The following LRMDA variants were observed in gnomAD, a reference collection of about 807,000 sequenced individuals.
LRMDA encodes leucine rich melanocyte differentiation associated.
A neutral mutation model predicts 29.8 loss-of-function variants in LRMDA; 18 were observed. The observed-to-expected ratio is 0.60, with a 90% confidence interval of 0.42 to 0.90. The LOEUF (loss-of-function observed/expected upper bound fraction) is 0.90, where lower values mean the gene tolerates loss of function less well. LRMDA is among the 40% of genes least tolerant of loss of function. The pLI is 0.00. For synonymous variants in LRMDA, 125 were observed against 109.4 expected, an observed-to-expected ratio of 1.14 and a Z score of -0.89; for missense variants, 273 against 273.9, an observed-to-expected ratio of 1.00 and a Z score of 0.02.
chr10:76,521,220 A>G (rs1269055712), intron 6 of LRMDA, among the ~76,000 whole-genome samples: 2 of 141,948 alleles, frequency 1.4e-5, no homozygotes, highest in Non-Finnish European at 1.5e-5. Flanking sequence ...TGCAAGCTCC[A>G]CCTCCCGGGT....
intron 6 of LRMDA, among the ~76,000 whole-genome samples, chr10:76,523,991 T>G (rs1843148282): frequency 6.6e-6 from 1 of 152,226 alleles, no homozygotes; most frequent in Admixed American, 6.5e-5. Context: ...GAATTACAGA[T>G]GAACATTGAC....
chr10:75,695,305 A>G (rs1251703462), intron 2 of LRMDA, among the ~76,000 whole-genome samples: 2 of 152,166 alleles, frequency 1.3e-5, no homozygotes, highest in Non-Finnish European at 2.9e-5. Flanking sequence ...TCAGACAGCA[A>G]ATTATCTATC....
At chr10:76,135,300 G>A (rs1398105593) in intron 5 of LRMDA, among the ~76,000 whole-genome samples, 3 of 152,068 alleles carry the variant, frequency 2.0e-5, no homozygotes, top group Non-Finnish European at 4.4e-5. Context: ...AACTGCAAAG[G>A]GACAGCACCA....
intron 2 of LRMDA, among the ~76,000 whole-genome samples, chr10:75,773,307 T>C (rs907133484): frequency 6.6e-5 from 10 of 152,166 alleles, no homozygotes; most frequent in African/African-American, 2.2e-4. Flanking sequence ...AATGGAAAGA[T>C]TGTAGTATGT....
chr10:76,201,426 A>T (rs1013095541), intron 5 of LRMDA, among the ~76,000 whole-genome samples: 24 of 152,274 alleles, frequency 1.6e-4, no homozygotes, highest in African/African-American at 5.8e-4. Context: ...AGATACAGAG[A>T]GCTGAAATGA....
At chr10:75,943,336 G>A (rs1347925571) in intron 2 of LRMDA, among the ~76,000 whole-genome samples, 2 of 152,130 alleles carry the variant, frequency 1.3e-5, no homozygotes, top group African/African-American at 2.4e-5. Flanking sequence ...CCAACAACCT[G>A]TGATGAAAGT....
intron 5 of LRMDA, among the ~76,000 whole-genome samples, chr10:76,164,246 A>G (rs1850695945): frequency 6.6e-6 from 1 of 152,174 alleles, no homozygotes; most frequent in Admixed American, 6.5e-5. Flanking sequence ...TTGTTTTGTC[A>G]GATATTGAAA....
At chr10:75,969,107 C>CT in intron 2 of LRMDA, among the ~76,000 whole-genome samples, 1 of 152,312 alleles carries the variant, frequency 6.6e-6, no homozygotes, top group Admixed American at 6.5e-5. Context: ...CTTGTACTCT[C>CT]TGGCTTTTCT....
intron 5 of LRMDA, among the ~76,000 whole-genome samples, chr10:76,101,765 A>T (rs1273145742): frequency 1.3e-5 from 2 of 152,130 alleles, no homozygotes; most frequent in Admixed American, 6.5e-5. Context: ...GATGAAATTC[A>T]TATTGAACAT....
chr10:76,272,320 TG>T (rs1840077952), intron 5 of LRMDA, among the ~76,000 whole-genome samples: 1 of 152,208 alleles, frequency 6.6e-6, no homozygotes, highest in Non-Finnish European at 1.5e-5. Context: ...GGGACTTGTA[TG>T]GGGCATTGCT....
intron 6 of LRMDA, among the ~76,000 whole-genome samples, chr10:76,541,371 C>T (rs1407835300): frequency 5.3e-5 from 8 of 152,158 alleles, no homozygotes; most frequent in African/African-American, 1.9e-4. Flanking sequence ...CATGGGGGCA[C>T]ATGCCTGTGA....
At chr10:76,060,476 G>C (rs951026389) in intron 5 of LRMDA, among the ~76,000 whole-genome samples, 1 of 152,176 alleles carries the variant, frequency 6.6e-6, no homozygotes, top group East Asian at 1.9e-4. Context: ...TTATGGGTGA[G>C]GGAACTGAGG....
rs568765147 is a variant in LRMDA at position 76,554,226 on chromosome 10, G to T, written c.602-2983G>T. On this transcript the variant is annotated intron_variant, in intron 6 of 6. Coordinates refer to ENST00000611255, the MANE Select transcript of LRMDA (RefSeq NM_001305581.2). ...ATGTCAGCTTTCGTTAGAGCCGCAG[G>T]CAGCGTTAGAATATCCTTGGCATAA... Among the ~76,000 whole-genome samples the T allele has an allele frequency of 2.6e-5, 4 of 152,278 alleles. No individual in the cohort carries two copies. The East Asian group carries it at 7.8e-4, about 30-fold the overall frequency.
chr10:76,523,659 G>A (rs1297198902), intron 6 of LRMDA, among the ~76,000 whole-genome samples: 1 of 152,286 alleles, frequency 6.6e-6, no homozygotes, highest in Admixed American at 6.5e-5. Flanking sequence ...TATGGTCCTC[G>A]TTCAGGCACA....
intron 2 of LRMDA, among the ~76,000 whole-genome samples, chr10:75,994,469 A>G (rs1336208522): frequency 1.3e-5 from 2 of 152,200 alleles, no homozygotes; most frequent in African/African-American, 2.4e-5. Context: ...TGATCCTGCA[A>G]TCAGTGGGCT....
chr10:76,410,847 G>A (rs1841953472), intron 6 of LRMDA, among the ~76,000 whole-genome samples: 1 of 152,132 alleles, frequency 6.6e-6, no homozygotes, highest in African/African-American at 2.4e-5. Context: ...CCAGCAGGCT[G>A]AGGTAGGATA....
intron 6 of LRMDA, among the ~76,000 whole-genome samples, chr10:76,410,869 C>A (rs1395966157): frequency 2.0e-5 from 3 of 151,968 alleles, no homozygotes; most frequent in Non-Finnish European, 4.4e-5. Flanking sequence ...TTGCTTGAAC[C>A]CTGGAGGCAG....
intron 2 of LRMDA, among the ~76,000 whole-genome samples, chr10:75,776,085 C>G (rs1843308717): frequency 6.6e-6 from 1 of 152,166 alleles, no homozygotes; most frequent in Non-Finnish European, 1.5e-5. Context: ...ACCCCAAACT[C>G]AAGGAGAAGC....
intron 2 of LRMDA, among the ~76,000 whole-genome samples, chr10:75,891,599 T>C (rs1845492395): frequency 6.6e-6 from 1 of 152,216 alleles, no homozygotes; most frequent in Non-Finnish European, 1.5e-5. Context: ...CTTTGGGTTT[T>C]ATTGTATATT....
Sources: gnomAD v4.1 joint callset for allele counts (sites outside exome capture counted in the v4.1 genomes callset) on GRCh38, gnomAD v4.1.1 for gene constraint, MANE v1.5 for transcripts, NCBI Gene and HGNC (gene_info 2026-07-23, HGNC 2026-07-21) for gene names.